The following TOX2 variants were observed in gnomAD, a reference collection of about 807,000 sequenced individuals.
The protein encoded by TOX2 is granulosa cell HMG box 1.
In TOX2, 15 loss-of-function variants were observed where a neutral mutation model predicts 47.4. The ratio of observed to expected loss-of-function variants is 0.32; its 90% confidence interval spans 0.21 to 0.49. The LOEUF (loss-of-function observed/expected upper bound fraction) is 0.49, where lower values mean the gene tolerates loss of function less well. Ranked by LOEUF, TOX2 falls within the 20% of genes least tolerant of loss-of-function variation. The pLI, the probability that TOX2 is intolerant of heterozygous loss-of-function variation, is 0.99. For missense variants in TOX2, 622 were observed against 673.1 expected, an observed-to-expected ratio of 0.92 and a Z score of 0.84; for synonymous variants, 290 against 296.6, an observed-to-expected ratio of 0.98 and a Z score of 0.23.
intron 1 of TOX2, chr20:43,946,159 T>G (rs755257530): frequency 4.9e-6 from 7 of 1,430,374 alleles, no homozygotes; most frequent in Non-Finnish European, 6.6e-6. Context: ...TGTCACATTC[T>G]GGAATGAAGA....
At chr20:43,924,857 C>G (rs1218610993) in intron 1 of TOX2, among the ~76,000 whole-genome samples, 2 of 152,244 alleles carry the variant, frequency 1.3e-5, no homozygotes, top group African/African-American at 4.8e-5. Flanking sequence ...CCCTCTCACT[C>G]TCTGTCCCTC....
chr20:43,917,858 T>A (rs1404243819), intron 1 of TOX2, among the ~76,000 whole-genome samples: 1 of 152,222 alleles, frequency 6.6e-6, no homozygotes. Context: ...CATTACTATT[T>A]AATGTAATAA....
intron 1 of TOX2, among the ~76,000 whole-genome samples, chr20:43,968,953 T>C (rs1421042014): frequency 2.6e-5 from 4 of 152,248 alleles, no homozygotes; most frequent in African/African-American, 4.8e-5. Flanking sequence ...ATGCATAGAA[T>C]TGAAGTTCAT....
intron 1 of TOX2, among the ~76,000 whole-genome samples, chr20:43,936,257 C>A (rs1569012056): frequency 6.6e-6 from 1 of 152,332 alleles, no homozygotes; most frequent in East Asian, 1.9e-4. Flanking sequence ...AGCTGCTTCC[C>A]AGCCCCCAAG....
intron 1 of TOX2, among the ~76,000 whole-genome samples, chr20:43,946,870 G>T (rs1323461268): frequency 6.6e-6 from 1 of 152,190 alleles, no homozygotes; most frequent in Non-Finnish European, 1.5e-5. Context: ...CAGACCAGGA[G>T]ACCCGACCTC....
chr20:43,931,494 G>A (rs545338335), intron 1 of TOX2, among the ~76,000 whole-genome samples: 30 of 152,298 alleles, frequency 2.0e-4, no homozygotes, highest in African/African-American at 7.0e-4. Context: ...GGCTTTCACT[G>A]CTATCCTCCC....
rs942402707 is a variant in TOX2 at position 43,915,217 on chromosome 20, C to G, written c.99+227C>G. 6.6e-6 allele frequency among the ~76,000 whole-genome samples: 1 copy of G among 152,166 alleles called. No homozygotes were observed. The highest frequency in any genetic ancestry group is 2.4e-5 in the African/African-American group (1 of 41,448). ...CGTGCGACGACACAGTGGCCCCTCA[C>G]TCGCGTCCCCCTGACAGCCTCGCAG... On this transcript the variant is annotated intron_variant, in intron 1 of 8. Coordinates refer to ENST00000341197, the MANE Select transcript of TOX2 (RefSeq NM_001098797.2). This position sits in a 1 kb window ranked among gnomAD's most constrained non-coding sequence, Gnocchi z 7.1.
intron 3 of TOX2, among the ~76,000 whole-genome samples, chr20:44,043,108 T>TCA (rs1308467472): frequency 6.6e-6 from 1 of 152,172 alleles, no homozygotes; most frequent in Non-Finnish European, 1.5e-5. Context: ...AGGGAAGATG[T>TCA]CACTCAGGGA....
intron 2 of TOX2, 50 bp from the exon 3 acceptor site, chr20:44,006,497 T>C (rs201890340): frequency 1.0e-4 from 164 of 1,562,684 alleles, no homozygotes; most frequent in Non-Finnish European, 1.3e-4. Flanking sequence ...GGGTATGTTC[T>C]GCGGTTGTAA....
At chr20:44,022,313 TTTG>T (rs1434063557) in intron 3 of TOX2, among the ~76,000 whole-genome samples, 1 of 152,204 alleles carries the variant, frequency 6.6e-6, no homozygotes, top group African/African-American at 2.4e-5. Context: ...AGTGTTTTTT[TTTG>T]TGTGTGTAAA....
intron 2 of TOX2, among the ~76,000 whole-genome samples, chr20:43,993,473 A>G (rs1246131191): frequency 6.6e-6 from 1 of 151,906 alleles, no homozygotes; most frequent in Non-Finnish European, 1.5e-5. Context: ...GGGATGAGAG[A>G]GGGAGGAATT....
intron 3 of TOX2, among the ~76,000 whole-genome samples, chr20:44,033,897 C>G (rs560384436): frequency 6.6e-6 from 1 of 152,272 alleles, no homozygotes; most frequent in African/African-American, 2.4e-5. Context: ...CACAGAGTCT[C>G]TGCTGCCTTC....
At chr20:43,968,581 G>A (rs992097964) in intron 1 of TOX2, among the ~76,000 whole-genome samples, 15 of 152,088 alleles carry the variant, frequency 9.9e-5, no homozygotes, top group African/African-American at 2.7e-4. Context: ...CCCGGTGGCC[G>A]TCATGAAAGG....
intron 4 of TOX2, among the ~76,000 whole-genome samples, chr20:44,051,815 G>C (rs1466846305): frequency 3.3e-5 from 5 of 152,234 alleles, no homozygotes; most frequent in African/African-American, 1.2e-4. Context: ...GGTCAGGGGG[G>C]ATGGCACCTA....
chr20:43,926,156 CTG>C (rs2069164433), intron 1 of TOX2, among the ~76,000 whole-genome samples: 1 of 152,152 alleles, frequency 6.6e-6, no homozygotes, highest in Non-Finnish European at 1.5e-5. Flanking sequence ...TTTCATCATG[CTG>C]TGTTTTGGCT....
Position 44,065,924 on chromosome 20 carries a change from G to GCCA in TOX2, c.1175_1176insACC (p.Pro394dup), listed in dbSNP as rs1569153623. 4 of 1,611,210 alleles carry GCCA rather than the reference G, an allele frequency of 2.5e-6. No individual in the cohort carries two copies. The highest frequency in any genetic ancestry group is 3.4e-6 in the Non-Finnish European group (4 of 1,178,528). ...TGCCAGGCCTCAGTGCGTCCCCGCC[G>GCCA]CCGCCACCCTCCTTCCCGCTCAGCC... On this transcript the variant is annotated inframe_insertion, in exon 7 of 9. Coordinates refer to ENST00000341197, the MANE Select transcript of TOX2 (RefSeq NM_001098797.2).
At chr20:44,026,228 G>GAGATATATATATAT (rs1555842268) in intron 3 of TOX2, among the ~76,000 whole-genome samples, 2 of 60,242 alleles carry the variant, frequency 3.3e-5, no homozygotes, top group Non-Finnish European at 6.2e-5. Context: ...AAGAAACTGT[G>GAGATATATATATAT]ATATATATAT....
intron 3 of TOX2, among the ~76,000 whole-genome samples, chr20:44,042,832 G>C (rs969373086): frequency 6.6e-6 from 1 of 152,134 alleles, no homozygotes; most frequent in African/African-American, 2.4e-5. Flanking sequence ...TATATAGAGA[G>C]ATATTAATTG....
At chr20:43,935,004 C>G (rs936300310) in intron 1 of TOX2, among the ~76,000 whole-genome samples, 1 of 152,148 alleles carries the variant, frequency 6.6e-6, no homozygotes, top group Non-Finnish European at 1.5e-5. Context: ...GTCCAGGAAT[C>G]TTAGTGACAG....
Sources: gnomAD v4.1 joint callset for allele counts (sites outside exome capture counted in the v4.1 genomes callset) on GRCh38, gnomAD v4.1.1 for gene constraint, Gnocchi (gnomAD v3.1) non-coding constraint, MANE v1.5 for transcripts, NCBI Gene and HGNC (gene_info 2026-07-23, HGNC 2026-07-21) for gene names.